Variants in SYNE2 observed in about 807,000 individuals in gnomAD.
SYNE2 encodes the protein spectrin repeat containing nuclear envelope protein 2.
SYNE2 carries 431 observed loss-of-function variants against 856.3 expected under a neutral mutation model. The observed-to-expected ratio is 0.50, with a 90% CI of 0.47 to 0.55. The LOEUF (loss-of-function observed/expected upper bound fraction) is 0.55. SYNE2 is among the 20% of genes least tolerant of loss of function. The probability of loss-of-function intolerance (pLI) is 0.00; values close to 1 mark genes in which losing one functional copy is unlikely to be tolerated. For synonymous variants in SYNE2, 2,923 were observed against 2,872.3 expected (o/e 1.02, Z -0.56); for missense variants, 8,129 against 8,023.2 (o/e 1.01, Z -0.50).
At chr14:63,952,056 C>T (rs1345652097) in intron 7 of SYNE2, among the ~76,000 whole-genome samples, 5 of 152,136 alleles carry the variant, frequency 3.3e-5, no homozygotes, top group Admixed American at 2.6e-4. Context: ...ATTTGTGTTT[C>T]ATTTCAATAA....
Position 64,024,325 on chromosome 14 carries a change from G to A in SYNE2, c.5706G>A (p.Lys1902=). ...KQVDSVLKHV[K]KHLPKAHVKE... is the part of the protein sequence containing the mutation. ...TGGACAGCGTACTGAAGCATGTGAA[G>A]AAGCATCTGCCCAAAGCACATGTGA... The change falls in exon 39 of 116, where the codon AAG becomes AAA. Residue 1902 remains lysine, a synonymous_variant. Transcript: ENST00000555002. The A allele has an allele frequency of 6.2e-7, 1 of 1,614,172 alleles. No individual in the cohort carries two copies. Among genetic ancestry groups the A allele is most frequent in the Non-Finnish European group, 8.5e-7 (1 of 1,180,004 alleles).
rs550975936 is a variant in SYNE2, at chr14:64,207,486, G to A, written c.18202-1272G>A. Among the ~76,000 whole-genome samples the A allele has an allele frequency of 3.0e-4, 46 of 151,738 alleles. No homozygotes were observed. In the South Asian group the frequency reaches 7.5e-3, roughly 25 times the overall value. ...TGATGTGGGAGGATCACTTGAGCCC[G>A]GAGGTAGAGGTTTCCGTGAGCCAAG... On this transcript the variant is annotated intron_variant, in intron 100 of 115. Coordinates refer to ENST00000555002, the MANE Select transcript of SYNE2 (RefSeq NM_182914.3).
chr14:64,026,769 T>G, intron 42 of SYNE2, 39 bp downstream of exon 42: 1 of 1,579,554 alleles, frequency 6.3e-7, no homozygotes, highest in Non-Finnish European at 8.6e-7. Context: ...CATATCCCAT[T>G]GCCCAGTGAA....
At chr14:64,212,204 T>G (rs1053902330) in intron 104 of SYNE2, 106 bp downstream of exon 104, 100 of 1,577,322 alleles carry the variant, frequency 6.3e-5, no homozygotes, top group Non-Finnish European at 8.6e-5. Flanking sequence ...AATTTCAGAA[T>G]TCTTAAAGCA....
intron 52 of SYNE2, among the ~76,000 whole-genome samples, chr14:64,071,717 T>TA (rs2097409353): frequency 6.6e-6 from 1 of 152,076 alleles, no homozygotes; most frequent in African/African-American, 2.4e-5. Context: ...AATGTTCTTT[T>TA]AAAATGTAAC....
At chr14:64,021,602 A>G in intron 36 of SYNE2, 87 bp downstream of exon 36, 1 of 1,513,392 alleles carries the variant, frequency 6.6e-7, no homozygotes, top group Non-Finnish European at 9.0e-7. Flanking sequence ...TAATAAAAAT[A>G]GAAAAAAAAA....
chr14:63,950,670 A>G (rs1336661762), intron 7 of SYNE2, among the ~76,000 whole-genome samples: 2 of 152,160 alleles, frequency 1.3e-5, no homozygotes, highest in Non-Finnish European at 1.5e-5. Flanking sequence ...GACAGTATGC[A>G]TTCTGAGACA....
intron 32 of SYNE2, among the ~76,000 whole-genome samples, chr14:64,012,456 A>G (rs1323806077): frequency 1.3e-5 from 2 of 152,226 alleles, no homozygotes; most frequent in Non-Finnish European, 2.9e-5. Flanking sequence ...CTTGTTATTT[A>G]ACTGTTTCAA....
chr14:64,123,114 C>A (rs914869755), intron 70 of SYNE2, among the ~76,000 whole-genome samples: 1 of 149,898 alleles, frequency 6.7e-6, no homozygotes, highest in Non-Finnish European at 1.5e-5. Context: ...AAAAAAAAAA[C>A]ACTTTAAAAA....
intron 64 of SYNE2, among the ~76,000 whole-genome samples, chr14:64,104,927 A>G (rs1288917161): frequency 2.0e-5 from 3 of 151,896 alleles, no homozygotes; most frequent in African/African-American, 4.8e-5. Flanking sequence ...ACTCAAACCT[A>G]TTTTACCACC....
At chr14:64,111,108 G>A (rs1214357020) in intron 65 of SYNE2, among the ~76,000 whole-genome samples, 2 of 151,728 alleles carry the variant, frequency 1.3e-5, no homozygotes, top group Non-Finnish European at 2.9e-5. Flanking sequence ...GCTCATGCCT[G>A]TAATCCCAGC....
rs1012165363 is a variant in SYNE2, at chr14:64,122,353, G to A, written c.13348G>A (p.Asp4450Asn). ...CTTGTCACCCCAGGGCCAAAATGGA[G>A]ATAAGTGGCAATATCTGCATCATGA... ...SILSPQGQNGDKWQYLHHELS... is the reference protein window; with the variant it reads ...SILSPQGQNGNKWQYLHHELS... Residue 4450 changes from aspartate (D) to asparagine (N), a missense_variant, in exon 70 of 116, where the codon GAT (aspartate) becomes AAT (asparagine). Coordinates refer to ENST00000555002, the MANE Select transcript of SYNE2 (RefSeq NM_182914.3). 44 of 1,614,070 alleles carry A rather than the reference G, an allele frequency of 2.7e-5. No individual in the cohort carries two copies. The highest frequency in any genetic ancestry group is 3.6e-5 in the Non-Finnish European group (43 of 1,180,032).
intron 51 of SYNE2, among the ~76,000 whole-genome samples, chr14:64,067,090 C>T (rs1393623199): frequency 6.6e-6 from 1 of 152,108 alleles, no homozygotes; most frequent in Non-Finnish European, 1.5e-5. Flanking sequence ...TACCCATTTA[C>T]AATTATGTGT....
Position 63,954,666 on chromosome 14 carries a change from G to A in SYNE2, c.591-53G>A. 2.7e-6 allele frequency: 4 copies of A among 1,475,564 alleles called. 1 individual carries two copies. Among genetic ancestry groups the A allele is most frequent in the South Asian group, 2.3e-5 (2 of 87,268 alleles). 91.4% of individuals were successfully genotyped at this position (1,475,564 alleles called of 1,614,324 possible). A position where few individuals can be genotyped will look rare whatever the true frequency, so the allele number is the denominator to read the frequency against. On this transcript the variant is annotated intron_variant, in intron 7 of 115. Coordinates refer to ENST00000555002, the MANE Select transcript of SYNE2 (RefSeq NM_182914.3). ...ATTACTATTGAATATAGTGGAGGGG[G>A]GTGTTACGTTCTTTTTAATGGTATT...
rs7158004 is a variant in SYNE2, at chr14:64,012,228, C to T, written c.4728+2112C>T. On this transcript the variant is annotated intron_variant, in intron 32 of 115. Transcript: ENST00000555002. Reference sequence around the variant, plus strand: ...CACCCTCCCCGCTACCTCGTCTCCTCCTAGACCAAGGTTTCAGCTTTAGTT... The same window carrying T: ...CACCCTCCCCGCTACCTCGTCTCCTTCTAGACCAAGGTTTCAGCTTTAGTT... Among the ~76,000 whole-genome samples the T allele has an allele frequency of 6.7e-3, 1,014 of 152,338 alleles. 16 individuals carry two copies. Among genetic ancestry groups the T allele is most frequent in the African/African-American group, 0.023 (964 of 41,568 alleles).
intron 84 of SYNE2, among the ~76,000 whole-genome samples, chr14:64,146,979 GC>G (rs1335210857): frequency 6.6e-6 from 1 of 152,162 alleles, no homozygotes; most frequent in African/African-American, 2.4e-5. Context: ...ACCGTAAGCG[GC>G]CCTTTTCACC....
intron 49 of SYNE2, among the ~76,000 whole-genome samples, chr14:64,056,614 C>T (rs2097271756): frequency 6.6e-6 from 1 of 151,834 alleles, no homozygotes; most frequent in African/African-American, 2.4e-5. Context: ...CCTCCTCTCT[C>T]TTCTCAGAAA....
chr14:64,074,220 T>A, intron 53 of SYNE2, 84 bp downstream of exon 53: 1 of 1,406,076 alleles, frequency 7.1e-7, no homozygotes, highest in Non-Finnish European at 1.0e-6. Context: ...GATAACTCAG[T>A]GGCTGGGTTT....
At chr14:64,034,026 G>A (rs2097064713) in intron 45 of SYNE2, among the ~76,000 whole-genome samples, 1 of 152,054 alleles carries the variant, frequency 6.6e-6, no homozygotes. Flanking sequence ...TATAACATTA[G>A]TCTATTAAGG....
Sources: allele counts gnomAD v4.1 joint callset (sites outside exome capture counted in the v4.1 genomes callset), GRCh38; gene constraint gnomAD v4.1.1; transcripts MANE v1.5; gene names NCBI Gene and HGNC (gene_info 2026-07-23, HGNC 2026-07-21).